Variants in PPARG observed in about 807,000 individuals in gnomAD.
PPARG encodes peroxisome proliferator activated receptor gamma, also known as peroxisome proliferator-activated receptor gamma.
Under a neutral mutation model 39.2 loss-of-function variants are expected in PPARG, and 17 were observed. The observed-to-expected ratio is 0.43, with a 90% confidence interval of 0.30 to 0.65. The LOEUF is 0.65. PPARG is among the 30% of genes least tolerant of loss of function. The probability of loss-of-function intolerance (pLI) is 0.13; values close to 1 mark genes in which losing one functional copy is unlikely to be tolerated. For synonymous variants in PPARG, 223 were observed against 215.7 expected (o/e 1.03, Z -0.30); for missense variants, 406 against 585.9 (o/e 0.69, Z 3.17).
At chr3:12,365,013 G>A (rs2048969525) in intron 2 of PPARG, among the ~76,000 whole-genome samples, 1 of 152,198 alleles carries the variant, frequency 6.6e-6, no homozygotes, top group Non-Finnish European at 1.5e-5. Context: ...TCCATGGACT[G>A]GGGTGGGCAG....
Position 12,353,846 on chromosome 3 carries a change from T to G in PPARG, c.-8-25858T>G, listed in dbSNP as rs567739352. On this transcript the variant is annotated intron_variant, in intron 2 of 7. Coordinates refer to ENST00000651735, the MANE Select transcript of PPARG (RefSeq NM_138711.6). ...TGAAACCATTTCCACTAGTAAAAAT[T>G]GGCAAGATTGAAGGGAAGCTTCCAC... Among the ~76,000 whole-genome samples the G allele has an allele frequency of 2.6e-5, 4 of 152,274 alleles. No homozygotes were observed. In the South Asian group the frequency reaches 8.3e-4, roughly 32 times the overall value.
Position 12,306,183 on chromosome 3 carries a change from G to A in PPARG, c.-82-6197G>A, listed in dbSNP as rs1024975600. On this transcript the variant is annotated intron_variant, in intron 1 of 7. Coordinates refer to ENST00000651735, the MANE Select transcript of PPARG (RefSeq NM_138711.6). ...TTCCACCTTAGATCATCAGGCATTA[G>A]TTAGATTCTCATAAGAAGCATGCAA... 5.3e-5 allele frequency among the ~76,000 whole-genome samples: 8 copies of A among 152,298 alleles called. No individual in the cohort carries two copies. The South Asian group carries it at 1.5e-3, about 28-fold the overall frequency.
chr3:12,428,766 A>G (rs1031836563), intron 7 of PPARG, among the ~76,000 whole-genome samples: 2 of 152,312 alleles, frequency 1.3e-5, no homozygotes, highest in Admixed American at 1.3e-4. Flanking sequence ...GAGCTTAAAG[A>G]CCAAAGGAAG....
At position 12,392,753 on chromosome 3, in the gene PPARG, G is replaced by A; in HGVS notation, c.529+1G>A. On this transcript the variant is annotated splice_donor_variant, in intron 5 of 7. Transcript: ENST00000651735. LOFTEE classifies it high-confidence loss of function. The stretch of plus-strand genomic sequence containing the variant: ...CTTGCAGTGGGGATGTCTCATAATG[G>A]TAAGTAAACAGTCATCACCATATAC... 6.2e-7 allele frequency: 1 copy of A among 1,613,638 alleles called. No individual in the cohort carries two copies. Among genetic ancestry groups the A allele is most frequent in the Non-Finnish European group, 8.5e-7 (1 of 1,179,700 alleles).
intron 7 of PPARG, among the ~76,000 whole-genome samples, chr3:12,432,663 G>A (rs1195146392): frequency 6.6e-6 from 1 of 152,142 alleles, no homozygotes; most frequent in Non-Finnish European, 1.5e-5. Flanking sequence ...GAGGAAATGA[G>A]AAAGGTTAAT....
Position 12,433,663 on chromosome 3 carries a change from A to C in PPARG, c.1181-235A>C, listed in dbSNP as rs7650895. ...GCTCCCTCAGCTGACCACACAGATT[A>C]CATCCTGGCCAGAAAAAGGCCCTGC... On this transcript the variant is annotated intron_variant, in intron 7 of 7. Coordinates refer to ENST00000651735, the MANE Select transcript of PPARG (RefSeq NM_138711.6). Among the ~76,000 whole-genome samples the C allele has an allele frequency of 0.17, 26,238 of 152,160 alleles. 2,471 individuals are homozygous for C. The highest frequency in any genetic ancestry group is 0.25 in the Admixed American group (3,860 of 15,292).
chr3:12,375,360 T>G (rs1346733245), intron 2 of PPARG, among the ~76,000 whole-genome samples: 1 of 152,152 alleles, frequency 6.6e-6, no homozygotes, highest in Non-Finnish European at 1.5e-5. Context: ...AGTAAAATCA[T>G]GAGCAACCAA....
chr3:12,352,517 T>C (rs2048520763), intron 2 of PPARG, among the ~76,000 whole-genome samples: 1 of 152,234 alleles, frequency 6.6e-6, no homozygotes, highest in African/African-American at 2.4e-5. Context: ...TTGTCTCGTA[T>C]TGATGTCTAT....
chr3:12,292,900 A>G (rs1044100368), intron 1 of PPARG, among the ~76,000 whole-genome samples: 20 of 152,154 alleles, frequency 1.3e-4, no homozygotes, highest in African/African-American at 4.8e-4. Context: ...CACTCTGCCC[A>G]CTGCAGTGTG....
intron 7 of PPARG, among the ~76,000 whole-genome samples, chr3:12,421,932 G>T (rs2051277754): frequency 6.8e-6 from 1 of 147,566 alleles, no homozygotes; most frequent in African/African-American, 2.6e-5. Context: ...TGTTGAGTGG[G>T]CAAGGAGAAT....
chr3:12,387,471 GTGA>G (rs1452245180), intron 4 of PPARG, among the ~76,000 whole-genome samples: 5 of 152,160 alleles, frequency 3.3e-5, no homozygotes, highest in Non-Finnish European at 7.4e-5. Flanking sequence ...CTGATGGCCA[GTGA>G]TGATGAGCAT....
intron 7 of PPARG, among the ~76,000 whole-genome samples, chr3:12,422,982 T>G (rs2051316153): frequency 6.6e-6 from 1 of 152,218 alleles, no homozygotes; most frequent in Admixed American, 6.5e-5. Context: ...CATTTTAATC[T>G]GTCTAACAAA....
At chr3:12,297,746 A>C (rs1167702652) in intron 1 of PPARG, 1 of 152,148 alleles carries the variant, frequency 6.6e-6, no homozygotes, top group African/African-American at 2.4e-5. Flanking sequence ...ATATGCTGGC[A>C]AATAGAGCTT....
At chr3:12,323,709 A>G (rs2047610855) in intron 2 of PPARG, among the ~76,000 whole-genome samples, 1 of 152,142 alleles carries the variant, frequency 6.6e-6, no homozygotes, top group East Asian at 1.9e-4. Flanking sequence ...CCAAGCCCAC[A>G]TATTTTTTTA....
At chr3:12,296,876 TTAA>T (rs879840657) in intron 1 of PPARG, among the ~76,000 whole-genome samples, 3 of 152,256 alleles carry the variant, frequency 2.0e-5, no homozygotes, top group Admixed American at 1.3e-4. Context: ...CAATTCCAGT[TTAA>T]TAATAGTAGA....
intron 5 of PPARG, among the ~76,000 whole-genome samples, chr3:12,402,739 T>C (rs2050520040): frequency 6.6e-6 from 1 of 152,120 alleles, no homozygotes; most frequent in African/African-American, 2.4e-5. Context: ...ACCGAGTGAC[T>C]CTGATAGGCT....
intron 2 of PPARG, among the ~76,000 whole-genome samples, chr3:12,336,865 G>A (rs1024243757): frequency 2.8e-4 from 42 of 152,290 alleles, no homozygotes; most frequent in African/African-American, 9.9e-4. Context: ...AAAGCAAGGG[G>A]GCTGAGCTTC....
At chr3:12,319,793 C>T (rs1371025917) in intron 2 of PPARG, among the ~76,000 whole-genome samples, 1 of 151,814 alleles carries the variant, frequency 6.6e-6, no homozygotes, top group African/African-American at 2.4e-5. Context: ...ACTGTCTTTC[C>T]TCTTCTGTTC....
intron 2 of PPARG, among the ~76,000 whole-genome samples, chr3:12,336,470 G>C (rs1212201817): frequency 2.6e-5 from 4 of 152,066 alleles, no homozygotes; most frequent in Admixed American, 6.5e-5. Context: ...GAAGATAATA[G>C]TTCTTTAGAA....
Sources: allele counts gnomAD v4.1 joint callset (sites outside exome capture counted in the v4.1 genomes callset), GRCh38; gene constraint gnomAD v4.1.1; transcripts MANE v1.5; gene names NCBI Gene and HGNC (gene_info 2026-07-23, HGNC 2026-07-21).